The following SH3GL1 variants were observed in gnomAD, a reference collection of about 807,000 sequenced individuals.
SH3GL1 encodes the protein endophilin-A2.
A neutral mutation model predicts 48.8 loss-of-function variants in SH3GL1; 21 were observed. The observed-to-expected ratio is 0.43, with a 90% CI of 0.30 to 0.62. SH3GL1 has a LOEUF of 0.62. Ranked by LOEUF, SH3GL1 falls within the 20% of genes least tolerant of loss-of-function variation. SH3GL1 has a pLI of 0.11. For missense variants in SH3GL1, 454 were observed against 503.0 expected, an observed-to-expected ratio of 0.90 and a Z score of 0.93; for synonymous variants, 282 against 217.5, an observed-to-expected ratio of 1.30 and a Z score of -2.61.
chr19:4,373,927 G>A (rs948459226), intron 1 of SH3GL1, among the ~76,000 whole-genome samples: 3 of 152,248 alleles, frequency 2.0e-5, no homozygotes, highest in South Asian at 2.1e-4. Flanking sequence ...TTGGGGGTGC[G>A]TTTCTGCCAA....
chr19:4,363,667 C>T (rs959328188), intron 6 of SH3GL1, 53 bp downstream of exon 6: 74 of 1,605,354 alleles, frequency 4.6e-5, no homozygotes, highest in African/African-American at 1.1e-4. Context: ...GGCACCACCC[C>T]GGCCTCCCAA....
intron 1 of SH3GL1, among the ~76,000 whole-genome samples, chr19:4,370,220 C>A (rs1972869747): frequency 6.6e-6 from 1 of 152,200 alleles, no homozygotes; most frequent in Non-Finnish European, 1.5e-5. Flanking sequence ...CATCAGAGAC[C>A]CTACCGGTGG....
chr19:4,381,050 TC>T (rs1310521204), intron 1 of SH3GL1, among the ~76,000 whole-genome samples: 1 of 131,024 alleles, frequency 7.6e-6, no homozygotes, highest in African/African-American at 2.9e-5. Context: ...CTCTCTCTGT[TC>T]CCCCAGCCTC....
chr19:4,364,111 C>T lies in SH3GL1; in HGVS notation c.442G>A (p.Glu148Lys). Residue 148 changes from glutamate (E) to lysine (K), a missense_variant, in exon 5 of 10, where the codon GAG becomes AAG. Coordinates refer to ENST00000269886, the MANE Select transcript of SH3GL1 (RefSeq NM_003025.4). ...NFIDPLQNLC[E>K]KDLKEIQHHL... ...ACCTGGATCTCCTTCAGGTCTTTCT[C>T]GCACAGGTTCTGGAGGGGGTCAATG... The T allele has an allele frequency of 6.2e-7, 1 of 1,613,288 alleles. No individual in the cohort carries two copies. The highest frequency in any genetic ancestry group is 8.5e-7 in the Non-Finnish European group (1 of 1,180,026).
At position 4,361,576 on chromosome 19, in the gene SH3GL1, G is replaced by T. The variant is rs745790126; in HGVS notation, c.*24C>A. ...GGGGTGCCGGCCAGTGTGGACGGAG[G>T]GGCGGGGCGGGGACACGGGTGAGTC... On this transcript the variant is annotated 3_prime_UTR_variant, in exon 10 of 10. Transcript: ENST00000269886. 3.2e-6 allele frequency: 5 copies of T among 1,546,454 alleles called. No homozygotes were observed. The highest frequency in any genetic ancestry group is 4.4e-6 in the Non-Finnish European group (5 of 1,138,110).
At chr19:4,364,284 C>G in intron 4 of SH3GL1, 63 bp from the exon 5 acceptor site, 1 of 1,600,372 alleles carries the variant, frequency 6.2e-7, no homozygotes, top group African/African-American at 1.3e-5. Flanking sequence ...TGAGACACTC[C>G]TCAGCCTTTG....
chr19:4,362,387 T>C lies in SH3GL1; in HGVS notation c.854-2A>G. Reference sequence around the variant, plus strand: ...CGGAAGATCGGAAAGACGATGAAGCTAAACACAAGCAAAACGAGGAGGCTG... The same window carrying C: ...CGGAAGATCGGAAAGACGATGAAGCCAAACACAAGCAAAACGAGGAGGCTG... On this transcript the variant is annotated splice_acceptor_variant, in intron 8 of 9. Coordinates refer to ENST00000269886, the MANE Select transcript of SH3GL1 (RefSeq NM_003025.4). LOFTEE classifies it high-confidence loss of function. The C allele has an allele frequency of 6.2e-7, 1 of 1,610,776 alleles. No individual in the cohort carries two copies. The highest frequency in any genetic ancestry group is 1.7e-5 in the Admixed American group (1 of 59,546).
chr19:4,385,891 G>A (rs991777969), intron 1 of SH3GL1, among the ~76,000 whole-genome samples: 13 of 152,198 alleles, frequency 8.5e-5, no homozygotes, highest in Non-Finnish European at 1.3e-4. Flanking sequence ...CCAGGGGTCC[G>A]ACAGCTCCAA....
chr19:4,380,600 G>C (rs758937511), intron 1 of SH3GL1, among the ~76,000 whole-genome samples: 5 of 152,116 alleles, frequency 3.3e-5, no homozygotes, highest in Non-Finnish European at 4.4e-5. Context: ...CCAGCTCTTG[G>C]ACTGGAAAAA....
At chr19:4,388,818 CTGCCTGTG>C (rs1973282703) in intron 1 of SH3GL1, among the ~76,000 whole-genome samples, 1 of 152,242 alleles carries the variant, frequency 6.6e-6, no homozygotes, top group Non-Finnish European at 1.5e-5. Flanking sequence ...GGGTCAGAGA[CTGCCTGTG>C]ACACAGTCAG....
chr19:4,392,777 A>C (rs1364672376), intron 1 of SH3GL1, among the ~76,000 whole-genome samples: 1 of 152,042 alleles, frequency 6.6e-6, no homozygotes, highest in African/African-American at 2.4e-5. Context: ...CCCCGTTTCT[A>C]CTAAAAATAC....
chr19:4,369,404 GAAACC>G (rs1568410939), intron 1 of SH3GL1, among the ~76,000 whole-genome samples: 2 of 152,244 alleles, frequency 1.3e-5, no homozygotes, highest in African/African-American at 4.8e-5. Flanking sequence ...AGCGGGCTGC[GAAACC>G]ACACCTTCTG....
Position 4,360,394 on chromosome 19 carries a change from C to CTGTT in SH3GL1, c.*1202_*1205dup, listed in dbSNP as rs1972570678. 1 of 250,924 alleles carries CTGTT rather than the reference C, an allele frequency of 4.0e-6. No individual in the cohort carries two copies. The highest frequency in any genetic ancestry group is 2.2e-5 in the African/African-American group (1 of 45,678). The allele number at this position is 250,924 out of a possible 1,614,324, so 15.5% of individuals were successfully genotyped here. A position where few individuals can be genotyped will look rare whatever the true frequency, so the allele number is the denominator to read the frequency against. On this transcript the variant is annotated 3_prime_UTR_variant, in exon 10 of 10. Coordinates refer to ENST00000269886, the MANE Select transcript of SH3GL1 (RefSeq NM_003025.4). ...CTGTAGAAAGAGACATTTAATACTT[C>CTGTT]TGTTTACAAAATTCAGGCGTACATT...
intron 1 of SH3GL1, among the ~76,000 whole-genome samples, chr19:4,373,559 C>T (rs893800239): frequency 4.6e-5 from 7 of 152,242 alleles, no homozygotes; most frequent in East Asian, 1.9e-4. Context: ...ATTGGGCACC[C>T]GGGGACAGCC....
chr19:4,377,551 G>A (rs1322699483), intron 1 of SH3GL1, among the ~76,000 whole-genome samples: 1 of 152,226 alleles, frequency 6.6e-6, no homozygotes, highest in Non-Finnish European at 1.5e-5. Flanking sequence ...ATCCCGGGTG[G>A]CACGGGGCAG....
rs2144889130 is a variant in SH3GL1, at chr19:4,376,240, A to C, written c.46-9246T>G. Among the ~76,000 whole-genome samples, 1 of 152,240 alleles carries C rather than the reference A, an allele frequency of 6.6e-6. No individual in the cohort carries two copies. The highest frequency in any genetic ancestry group is 1.5e-5 in the Non-Finnish European group (1 of 68,004). ...TCTGAAGGACTTCCATTTCTTTGTG[A>C]CTGTGGGCCACCATGGGCATGAGTC... On this transcript the variant is annotated intron_variant, in intron 1 of 9. Coordinates refer to ENST00000269886, the MANE Select transcript of SH3GL1 (RefSeq NM_003025.4). The surrounding 1 kb of genome is among the most constrained non-coding windows in gnomAD (Gnocchi z 4.3).
intron 1 of SH3GL1, among the ~76,000 whole-genome samples, chr19:4,373,244 A>G (rs942981417): frequency 6.6e-6 from 1 of 152,202 alleles, no homozygotes; most frequent in African/African-American, 2.4e-5. Flanking sequence ...GCCCAAGGGA[A>G]GATGGAGGGA....
chr19:4,370,581 T>A (rs1316904824), intron 1 of SH3GL1, among the ~76,000 whole-genome samples: 2 of 152,080 alleles, frequency 1.3e-5, no homozygotes, highest in African/African-American at 4.8e-5. Context: ...AAACCCCGAG[T>A]GACCAACCGC....
chr19:4,368,613 G>A (rs1305628405), intron 1 of SH3GL1, among the ~76,000 whole-genome samples: 1 of 152,216 alleles, frequency 6.6e-6, no homozygotes, highest in African/African-American at 2.4e-5. Flanking sequence ...CCACGGGACT[G>A]TCCTCACCCA....
Sources: allele counts gnomAD v4.1 joint callset (sites outside exome capture counted in the v4.1 genomes callset), GRCh38; gene constraint gnomAD v4.1.1; non-coding constraint Gnocchi (gnomAD v3.1); transcripts MANE v1.5; gene names NCBI Gene and HGNC (gene_info 2026-07-23, HGNC 2026-07-21).